Variants in STK39 observed in about 807,000 individuals in gnomAD.
STK39 encodes the protein STE20/SPS1-related proline-alanine-rich protein kinase.
STK39 carries 20 observed loss-of-function variants against 77.8 expected under a neutral mutation model. The observed-to-expected ratio is 0.26, with a 90% CI of 0.18 to 0.37. The LOEUF (loss-of-function observed/expected upper bound fraction) is 0.37. STK39 is among the 10% of genes least tolerant of loss of function. The probability of loss-of-function intolerance (pLI) is 1.00; values close to 1 mark genes in which losing one functional copy is unlikely to be tolerated. For missense variants in STK39, 479 were observed against 656.5 expected, an observed-to-expected ratio of 0.73 and a Z score of 2.95; for synonymous variants, 246 against 234.1, an observed-to-expected ratio of 1.05 and a Z score of -0.47.
chr2:168,195,292 T>G (rs920020113), intron 1 of STK39, among the ~76,000 whole-genome samples: 2 of 152,122 alleles, frequency 1.3e-5, no homozygotes, highest in African/African-American at 4.8e-5. Flanking sequence ...CCTAGCTACT[T>G]GGAAGGCTGT....
At chr2:168,154,005 A>C (rs1196076594) in intron 5 of STK39, among the ~76,000 whole-genome samples, 1 of 152,242 alleles carries the variant, frequency 6.6e-6, no homozygotes, top group African/African-American at 2.4e-5. Context: ...GCAAAGGCAG[A>C]AGAAGAGGTC....
At chr2:168,158,572 A>T (rs754767944) in intron 5 of STK39, among the ~76,000 whole-genome samples, 7 of 152,194 alleles carry the variant, frequency 4.6e-5, no homozygotes, top group Non-Finnish European at 1.0e-4. Context: ...GAGGTCATTT[A>T]AATCCAGATT....
chr2:168,181,516 T>A (rs1025687849), intron 2 of STK39, among the ~76,000 whole-genome samples: 2 of 150,908 alleles, frequency 1.3e-5, no homozygotes, highest in African/African-American at 4.9e-5. Flanking sequence ...ACAGAGCATT[T>A]AAAAAAAAAA....
chr2:168,065,245 T>C, intron 13 of STK39, 74 bp downstream of exon 13: 1 of 1,508,172 alleles, frequency 6.6e-7, no homozygotes, highest in Non-Finnish European at 9.2e-7. Context: ...ATTGTCTATC[T>C]TTCTAAAATG....
intron 12 of STK39, among the ~76,000 whole-genome samples, chr2:168,066,606 A>C (rs1685801226): frequency 6.6e-6 from 1 of 152,244 alleles, no homozygotes; most frequent in African/African-American, 2.4e-5. Context: ...CCTTTAGTCA[A>C]AGAACTACTG....
At chr2:168,016,286 T>C (rs1307905816) in intron 15 of STK39, among the ~76,000 whole-genome samples, 1 of 148,760 alleles carries the variant, frequency 6.7e-6, no homozygotes, top group African/African-American at 2.5e-5. Flanking sequence ...ATACCAGGAA[T>C]CCTGAAATCT....
chr2:168,224,358 G>C (rs1690253858), intron 1 of STK39, among the ~76,000 whole-genome samples: 1 of 151,930 alleles, frequency 6.6e-6, no homozygotes, highest in South Asian at 2.1e-4. Flanking sequence ...GATAAACAAG[G>C]GGACACAGTC....
chr2:168,216,015 C>A (rs1037341001), intron 1 of STK39, among the ~76,000 whole-genome samples: 5 of 152,188 alleles, frequency 3.3e-5, no homozygotes, highest in Non-Finnish European at 5.9e-5. Flanking sequence ...CATAGCATCC[C>A]TCCCACAGGG....
At chr2:168,213,488 C>A (rs1689945809) in intron 1 of STK39, among the ~76,000 whole-genome samples, 1 of 151,870 alleles carries the variant, frequency 6.6e-6, no homozygotes, top group Non-Finnish European at 1.5e-5. Context: ...ATATAGAGGA[C>A]CAGCCTGGGC....
At chr2:168,233,952 T>C (rs767368633) in intron 1 of STK39, among the ~76,000 whole-genome samples, 1 of 152,230 alleles carries the variant, frequency 6.6e-6, no homozygotes, top group African/African-American at 2.4e-5. Context: ...TAAAAACTTA[T>C]ATTTCAAAAC....
chr2:167,956,564 G>GAA (rs60443441), intron 17 of STK39, among the ~76,000 whole-genome samples: 1,411 of 126,470 alleles, frequency 0.011, 46 homozygotes, highest in African/African-American at 0.038. Context: ...CTCCACCTCA[G>GAA]AAAAAAAAAA....
intron 1 of STK39, among the ~76,000 whole-genome samples, 167 bp downstream of exon 1, chr2:168,247,061 T>TAAAAAAAAAAAAA (rs755613797): frequency 2.2e-5 from 2 of 89,296 alleles, no homozygotes; most frequent in African/African-American, 9.2e-5. Context: ...CATTAAAAAT[T>TAAAAAAAAAAAAA]AAAAAAAAAA....
intron 10 of STK39, among the ~76,000 whole-genome samples, chr2:168,097,344 C>G (rs867301033): frequency 1.3e-5 from 2 of 152,242 alleles, no homozygotes; most frequent in African/African-American, 4.8e-5. Flanking sequence ...CATTTAGGTT[C>G]TACAGGGGAG....
At chr2:168,018,161 G>T (rs762828886) in intron 14 of STK39, among the ~76,000 whole-genome samples, 1 of 152,120 alleles carries the variant, frequency 6.6e-6, no homozygotes, top group African/African-American at 2.4e-5. Context: ...AATATTATAA[G>T]TATCAACAGA....
intron 10 of STK39, among the ~76,000 whole-genome samples, chr2:168,118,101 G>A (rs1452454047): frequency 6.6e-6 from 1 of 152,090 alleles, no homozygotes; most frequent in Non-Finnish European, 1.5e-5. Context: ...GGGAAGGTCA[G>A]CACCTAGTAG....
chr2:167,954,958 A>G lies in STK39; in HGVS notation c.*538T>C, dbSNP rs1691725129. The G allele has an allele frequency of 6.5e-6, 1 of 152,720 alleles. No homozygotes were observed. The highest frequency in any genetic ancestry group is 1.5e-5 in the Non-Finnish European group (1 of 68,088). 9.5% of individuals were successfully genotyped at this position (152,720 alleles called of 1,614,324 possible). ...CATAAATATATGAAAAATAAAATTC[A>G]CAGTCAGTTTTAAAACTAGAATTCA... is the stretch of plus-strand genomic sequence containing the variant. On this transcript the variant is annotated 3_prime_UTR_variant, in exon 18 of 18. Transcript: ENST00000355999.
chr2:168,040,874 G>C (rs969607686), intron 14 of STK39, among the ~76,000 whole-genome samples: 3 of 152,074 alleles, frequency 2.0e-5, no homozygotes, highest in Non-Finnish European at 4.4e-5. Context: ...TATAGAGTAA[G>C]CACTTAAAAA....
chr2:168,222,199 T>G (rs1403285324), intron 1 of STK39, among the ~76,000 whole-genome samples: 1 of 152,178 alleles, frequency 6.6e-6, no homozygotes, highest in Non-Finnish European at 1.5e-5. Flanking sequence ...GGAATCTCTC[T>G]CCCTGCTATA....
chr2:168,139,208 T>C (rs1385970331), intron 7 of STK39, among the ~76,000 whole-genome samples: 1 of 151,972 alleles, frequency 6.6e-6, no homozygotes, highest in East Asian at 1.9e-4. Context: ...TGGGAAACAC[T>C]GAGAAGAGGC....
Sources: gnomAD v4.1 joint callset for allele counts (sites outside exome capture counted in the v4.1 genomes callset) on GRCh38, gnomAD v4.1.1 for gene constraint, MANE v1.5 for transcripts, NCBI Gene and HGNC (gene_info 2026-07-23, HGNC 2026-07-21) for gene names.